Variants in PCDHA2 observed in about 807,000 individuals in gnomAD.
PCDHA2 encodes protocadherin alpha 2, also known as protocadherin alpha-2.
Under a neutral mutation model 66.0 loss-of-function variants are expected in PCDHA2, and 58 were observed. The ratio of observed to expected loss-of-function variants is 0.88; its 90% CI spans 0.71 to 1.09. PCDHA2 has a LOEUF of 1.09. Among genes scored for constraint, PCDHA2 ranks in the 50% least tolerant of loss-of-function variants. The probability of loss-of-function intolerance (pLI) is 0.00; values close to 1 mark genes in which losing one functional copy is unlikely to be tolerated. For synonymous variants in PCDHA2, 634 were observed against 554.0 expected (o/e 1.14, Z -2.03); for missense variants, 1,267 against 1,242.3 (o/e 1.02, Z -0.30).
At chr5:140,842,526 A>G (rs2150338157) in intron 1 of PCDHA2, 11 of 1,613,304 alleles carry the variant, frequency 6.8e-6, no homozygotes, top group African/African-American at 1.3e-5. Flanking sequence ...TCCACCTTCA[A>G]GAATTACTAC....
intron 1 of PCDHA2, chr5:140,883,268 T>G: frequency 6.2e-7 from 1 of 1,614,030 alleles, no homozygotes; most frequent in Non-Finnish European, 8.5e-7. Flanking sequence ...GGCGGGTCAT[T>G]GTACCCTTTT....
chr5:140,926,349 G>A (rs1405832516), intron 1 of PCDHA2: 2 of 152,260 alleles, frequency 1.3e-5, no homozygotes, highest in Admixed American at 1.3e-4. Flanking sequence ...CCCGACGCGC[G>A]GCTCCCAAAG....
chr5:140,898,392 T>G (rs1464159946), intron 1 of PCDHA2, among the ~76,000 whole-genome samples: 3 of 152,224 alleles, frequency 2.0e-5, no homozygotes, highest in African/African-American at 7.2e-5. Flanking sequence ...GGATCCAGTT[T>G]CAGCTTTCTA....
intron 3 of PCDHA2, among the ~76,000 whole-genome samples, chr5:140,997,129 C>A (rs983112049): frequency 6.6e-6 from 1 of 151,976 alleles, no homozygotes; most frequent in Non-Finnish European, 1.5e-5. Flanking sequence ...ATACACAATG[C>A]CCCCACACCC....
At chr5:140,926,143 C>A (rs2082940711) in intron 1 of PCDHA2, among the ~76,000 whole-genome samples, 1 of 152,068 alleles carries the variant, frequency 6.6e-6, no homozygotes, top group African/African-American at 2.4e-5. Context: ...CAGGATCCAG[C>A]GCGGAAAGCT....
chr5:140,882,100 C>T, intron 1 of PCDHA2: 1 of 1,277,590 alleles, frequency 7.8e-7, no homozygotes, highest in Non-Finnish European at 1.1e-6. Flanking sequence ...AGAACGTTTC[C>T]GCGAAGAAAG....
At chr5:140,953,331 A>G (rs2153698892) in intron 1 of PCDHA2, among the ~76,000 whole-genome samples, 1 of 152,248 alleles carries the variant, frequency 6.6e-6, no homozygotes, top group South Asian at 2.1e-4. Flanking sequence ...CATAGAATTT[A>G]GGGCTCACCT....
At chr5:140,985,180 G>A (rs782679962) in intron 3 of PCDHA2, among the ~76,000 whole-genome samples, 1 of 152,028 alleles carries the variant, frequency 6.6e-6, no homozygotes, top group Non-Finnish European at 1.5e-5. Flanking sequence ...CTCGTAATCC[G>A]CCTGCCTCGG....
chr5:140,994,105 A>G (rs1264024543), intron 3 of PCDHA2, among the ~76,000 whole-genome samples: 2 of 152,226 alleles, frequency 1.3e-5, no homozygotes, highest in African/African-American at 2.4e-5. Context: ...TGGAAATATT[A>G]CATTGTCATG....
At chr5:140,822,499 G>T (rs1554128681) in intron 1 of PCDHA2, 2 of 1,613,848 alleles carry the variant, frequency 1.2e-6, no homozygotes, top group South Asian at 1.1e-5. Flanking sequence ...CCCAGAATTT[G>T]ATAAATCCAT....
At chr5:140,936,869 A>C (rs1249048598) in intron 1 of PCDHA2, among the ~76,000 whole-genome samples, 3 of 152,168 alleles carry the variant, frequency 2.0e-5, no homozygotes, top group Non-Finnish European at 4.4e-5. Context: ...TTCTATTTTA[A>C]AAAACCCTGC....
At chr5:140,883,627 G>A (rs781902332) in intron 1 of PCDHA2, 34 of 1,613,816 alleles carry the variant, frequency 2.1e-5, no homozygotes, top group Non-Finnish European at 2.7e-5. Context: ...ACAACGCGCC[G>A]GCGTTCGCGC....
chr5:140,905,880 A>C (rs1485985374), intron 1 of PCDHA2, among the ~76,000 whole-genome samples: 1 of 152,172 alleles, frequency 6.6e-6, no homozygotes, highest in Non-Finnish European at 1.5e-5. Context: ...AGGCCCAACA[A>C]TAGGCCATCT....
In PCDHA2 at chr5:140,917,330, A is replaced by T. The variant is rs155802; in HGVS notation, c.2389-61619A>T. On this transcript the variant is annotated intron_variant, in intron 1 of 3. Coordinates refer to ENST00000526136, the MANE Select transcript of PCDHA2 (RefSeq NM_018905.3). The stretch of plus-strand genomic sequence containing the variant: ...CAATTTGGTGTTCATGTGGCGGGGG[A>T]GGGGGGGGATGGTGTAGGCTTCTGT... Among the ~76,000 whole-genome samples, 56 of 103,230 alleles carry T rather than the reference A, an allele frequency of 5.4e-4. 2 individuals are homozygous for T. In the South Asian group the frequency reaches 0.01, roughly 19 times the overall value. The allele number at this position is 103,230 out of a possible 152,430, so 67.7% of individuals were successfully genotyped here.
intron 3 of PCDHA2, among the ~76,000 whole-genome samples, chr5:140,996,253 A>C (rs2153938437): frequency 6.6e-6 from 1 of 152,370 alleles, no homozygotes; most frequent in African/African-American, 2.4e-5. Flanking sequence ...AAGTGACAGC[A>C]ACACAGAGCC....
At chr5:140,821,781 A>T in intron 1 of PCDHA2, 2 of 1,609,938 alleles carry the variant, frequency 1.2e-6, no homozygotes, top group Non-Finnish European at 1.7e-6. Flanking sequence ...TTGAGATGGT[A>T]TATTCCCGGA....
At chr5:140,987,149 G>C (rs1380803903) in intron 3 of PCDHA2, among the ~76,000 whole-genome samples, 2 of 151,884 alleles carry the variant, frequency 1.3e-5, no homozygotes, top group African/African-American at 4.8e-5. Flanking sequence ...GGGAGGTGGA[G>C]GTTGCAGTGA....
intron 3 of PCDHA2, among the ~76,000 whole-genome samples, chr5:141,002,751 C>T (rs1204940300): frequency 3.9e-5 from 6 of 152,152 alleles, no homozygotes; most frequent in African/African-American, 1.4e-4. Context: ...CATCGACAAC[C>T]CTGTGATGTA....
chr5:140,901,301 G>A (rs990062811), intron 1 of PCDHA2, among the ~76,000 whole-genome samples: 11 of 152,112 alleles, frequency 7.2e-5, no homozygotes, highest in Non-Finnish European at 1.5e-4. Flanking sequence ...CTGATGTTCC[G>A]GAGAGTTTCC....
Sources: allele counts gnomAD v4.1 joint callset (sites outside exome capture counted in the v4.1 genomes callset), GRCh38; gene constraint gnomAD v4.1.1; transcripts MANE v1.5; gene names NCBI Gene and HGNC (gene_info 2026-07-23, HGNC 2026-07-21).